Variants in DYNC1I1 observed in about 807,000 individuals in gnomAD.
DYNC1I1 encodes dynein cytoplasmic 1 intermediate chain 1.
DYNC1I1 carries 43 observed loss-of-function variants against 86.6 expected under a neutral mutation model. The observed-to-expected ratio is 0.50, with a 90% CI of 0.39 to 0.64. The LOEUF (loss-of-function observed/expected upper bound fraction) is 0.64. Ranked by LOEUF, DYNC1I1 falls within the 30% of genes least tolerant of loss-of-function variation. The pLI is 0.00. For missense variants in DYNC1I1, 604 were observed against 788.8 expected, an observed-to-expected ratio of 0.77 and a Z score of 2.81; for synonymous variants, 262 against 283.7, an observed-to-expected ratio of 0.92 and a Z score of 0.77.
chr7:95,880,352 A>G (rs1396772438), intron 6 of DYNC1I1, among the ~76,000 whole-genome samples: 1 of 152,056 alleles, frequency 6.6e-6, no homozygotes, highest in East Asian at 1.9e-4. Flanking sequence ...TCTACCCTGC[A>G]TACTCCACCC....
At chr7:95,891,433 C>G (rs1230949905) in intron 6 of DYNC1I1, among the ~76,000 whole-genome samples, 1 of 152,182 alleles carries the variant, frequency 6.6e-6, no homozygotes, top group Non-Finnish European at 1.5e-5. Context: ...GTAAAATGCA[C>G]TCTTAACCTC....
chr7:95,885,048 C>T (rs943615339), intron 6 of DYNC1I1, among the ~76,000 whole-genome samples: 1 of 152,198 alleles, frequency 6.6e-6, no homozygotes, highest in African/African-American at 2.4e-5. Context: ...CTTAATGTTT[C>T]CATAAAAGAT....
At chr7:95,807,647 C>A (rs911597343) in intron 2 of DYNC1I1, among the ~76,000 whole-genome samples, 1 of 152,114 alleles carries the variant, frequency 6.6e-6, no homozygotes, top group East Asian at 1.9e-4. Flanking sequence ...CCTACTTCTT[C>A]CTATCATCCT....
chr7:96,061,747 C>A (rs1189706826), intron 14 of DYNC1I1, among the ~76,000 whole-genome samples: 1 of 148,762 alleles, frequency 6.7e-6, no homozygotes, highest in Non-Finnish European at 1.5e-5. Flanking sequence ...CACACAAACA[C>A]ACACACACAC....
Position 95,914,309 on chromosome 7 carries a change from ATTTACTGTATCC to A in DYNC1I1, c.490+44315_490+44326del, listed in dbSNP as rs559359620. 6.4e-4 allele frequency among the ~76,000 whole-genome samples: 98 copies of A among 152,196 alleles called. 2 individuals are homozygous for A. In the South Asian group the frequency reaches 0.02, roughly 31 times the overall value. On this transcript the variant is annotated intron_variant, in intron 6 of 16. Coordinates refer to ENST00000447467, the MANE Select transcript of DYNC1I1 (RefSeq NM_001135556.2). ...TCCCCTCATTAGAACATTCCTGATT[ATTTACTGTATCC>A]TTTTGTATTATGGTTATTTTTATAG...
chr7:96,039,548 T>A, intron 14 of DYNC1I1, 127 bp downstream of exon 14: 1 of 1,155,212 alleles, frequency 8.7e-7, no homozygotes. Context: ...ATATACCTTC[T>A]GGTGAGCTCA....
At chr7:95,840,224 C>T (rs1433169266) in intron 5 of DYNC1I1, among the ~76,000 whole-genome samples, 1 of 151,906 alleles carries the variant, frequency 6.6e-6, no homozygotes, top group Non-Finnish European at 1.5e-5. Context: ...CTTGATGTTA[C>T]CCTGTAATTC....
intron 1 of DYNC1I1, among the ~76,000 whole-genome samples, chr7:95,786,886 A>G (rs535211283): frequency 2.3e-4 from 35 of 152,286 alleles, no homozygotes; most frequent in Non-Finnish European, 4.6e-4. Flanking sequence ...GTGACTGTAT[A>G]TGGACATGTG....
chr7:96,074,287 C>T (rs557444377), intron 14 of DYNC1I1, among the ~76,000 whole-genome samples: 1 of 152,216 alleles, frequency 6.6e-6, no homozygotes, highest in South Asian at 2.1e-4. Flanking sequence ...CGGTGGCTCA[C>T]GCCTGTAATC....
chr7:95,827,964 C>G, intron 4 of DYNC1I1, 93 bp from the exon 5 acceptor site: 2 of 1,306,060 alleles, frequency 1.5e-6, no homozygotes, highest in East Asian at 2.3e-5. Flanking sequence ...TGTATATGCT[C>G]TTGCCTTGAT....
intron 4 of DYNC1I1, among the ~76,000 whole-genome samples, chr7:95,826,079 A>G (rs908372350): frequency 2.6e-5 from 4 of 152,204 alleles, no homozygotes; most frequent in Non-Finnish European, 5.9e-5. Flanking sequence ...TATGTCCTGG[A>G]GCGTGTTTGA....
intron 4 of DYNC1I1, among the ~76,000 whole-genome samples, chr7:95,827,246 C>T (rs1562909693): frequency 6.6e-6 from 1 of 152,172 alleles, no homozygotes; most frequent in Admixed American, 6.5e-5. Flanking sequence ...TTAGTTGCCT[C>T]TGAGATAACC....
In DYNC1I1 at chr7:95,884,126, C is replaced by T. The variant is rs537082329; in HGVS notation, c.490+14128C>T. On this transcript the variant is annotated intron_variant, in intron 6 of 16. Coordinates refer to ENST00000447467, the MANE Select transcript of DYNC1I1 (RefSeq NM_001135556.2). ...CCCATTTTCCTCCACAGTCAGTCTT[C>T]TGAAATGACACTACTGAGAAATGCA... Among the ~76,000 whole-genome samples the T allele has an allele frequency of 3.3e-5, 5 of 152,238 alleles. No individual in the cohort carries two copies. The South Asian group carries it at 1.0e-3, about 32-fold the overall frequency.
chr7:95,886,178 A>G (rs111259045), intron 6 of DYNC1I1, among the ~76,000 whole-genome samples: 3,712 of 152,268 alleles, frequency 0.024, 129 homozygotes, highest in African/African-American at 0.076. Context: ...GCCCACACCT[A>G]TGATCCCAAC....
At chr7:96,106,665 T>A (rs1791220125) in intron 16 of DYNC1I1, among the ~76,000 whole-genome samples, 2 of 152,252 alleles carry the variant, frequency 1.3e-5, no homozygotes, top group Admixed American at 1.3e-4. Context: ...GGTATATTAT[T>A]TGACCTATGA....
intron 5 of DYNC1I1, among the ~76,000 whole-genome samples, chr7:95,850,829 A>G (rs1437142360): frequency 6.6e-6 from 1 of 152,206 alleles, no homozygotes; most frequent in African/African-American, 2.4e-5. Flanking sequence ...CACATAAATG[A>G]AACGTTTTAC....
At chr7:96,076,837 C>T (rs1226849525) in intron 15 of DYNC1I1, among the ~76,000 whole-genome samples, 1 of 152,060 alleles carries the variant, frequency 6.6e-6, no homozygotes, top group Non-Finnish European at 1.5e-5. Context: ...AGTGAAAATA[C>T]CCATTTATTT....
intron 10 of DYNC1I1, among the ~76,000 whole-genome samples, chr7:96,008,500 A>C (rs937001636): frequency 4.6e-5 from 7 of 152,200 alleles, no homozygotes; most frequent in African/African-American, 1.7e-4. Flanking sequence ...TTTACAGATT[A>C]TTTTCATTTC....
chr7:95,834,958 T>C (rs1169430468), intron 5 of DYNC1I1, among the ~76,000 whole-genome samples: 1 of 149,932 alleles, frequency 6.7e-6, no homozygotes, highest in Non-Finnish European at 1.5e-5. Flanking sequence ...GGGTTTTTTG[T>C]GTCTCTATTT....
Sources: allele counts gnomAD v4.1 joint callset (sites outside exome capture counted in the v4.1 genomes callset), GRCh38; gene constraint gnomAD v4.1.1; transcripts MANE v1.5; gene names NCBI Gene and HGNC (gene_info 2026-07-23, HGNC 2026-07-21).